CWC22: variants seen among roughly 807,000 people sequenced by gnomAD.
The protein encoded by CWC22 is CWC22 spliceosome associated protein.
In CWC22, 53 loss-of-function variants were observed where a neutral mutation model predicts 117.2. The observed-to-expected ratio is 0.45, with a 90% CI of 0.36 to 0.57. CWC22 has a LOEUF of 0.57. CWC22 is among the 20% of genes least tolerant of loss of function. CWC22 has a pLI of 0.00. For missense variants in CWC22, 980 were observed against 1,068.8 expected (o/e 0.92, Z 1.16); for synonymous variants, 360 against 355.6 (o/e 1.01, Z -0.14).
Position 179,993,498 on chromosome 2 carries a change from G to A in CWC22, c.-113-44C>T, listed in dbSNP as rs947845013. 16 of 571,166 alleles carry A rather than the reference G, an allele frequency of 2.8e-5. No homozygotes were observed. The African/African-American group carries it at 3.0e-4, about 11-fold the overall frequency. The allele number at this position is 571,166 out of a possible 1,614,324, so 35.4% of individuals were successfully genotyped here. A position where few individuals can be genotyped will look rare whatever the true frequency, so the allele number is the denominator to read the frequency against. On this transcript the variant is annotated intron_variant, in intron 1 of 19. Coordinates refer to ENST00000410053, the MANE Select transcript of CWC22 (RefSeq NM_020943.3). Reference sequence around the variant, plus strand: ...AAAGCTTTATTAACACTAACAAAGTGTGAAAAATGATGATATATTTTTTCT... The same window carrying A: ...AAAGCTTTATTAACACTAACAAAGTATGAAAAATGATGATATATTTTTTCT...
At chr2:179,985,661 AAGATATTTTGAGAG>A (rs1687400572) in intron 4 of CWC22, among the ~76,000 whole-genome samples, 1 of 152,116 alleles carries the variant, frequency 6.6e-6, no homozygotes, top group Non-Finnish European at 1.5e-5. Flanking sequence ...ACAGTACAAT[AAGATATTTTGAGAG>A]AGGCAGACCA....
At chr2:179,953,263 C>T (rs1270616195) in intron 16 of CWC22, among the ~76,000 whole-genome samples, 1 of 151,990 alleles carries the variant, frequency 6.6e-6, no homozygotes, top group Non-Finnish European at 1.5e-5. Flanking sequence ...TGTAGCTGGA[C>T]ATACTTGGTA....
At chr2:179,945,925 C>T (rs1402807993) in intron 19 of CWC22, among the ~76,000 whole-genome samples, 1 of 152,108 alleles carries the variant, frequency 6.6e-6, no homozygotes, top group African/African-American at 2.4e-5. Context: ...TCTTGTTGCC[C>T]AGGCTGGAGT....
intron 13 of CWC22, among the ~76,000 whole-genome samples, chr2:179,963,799 A>G (rs1464241465): frequency 6.6e-6 from 1 of 152,232 alleles, no homozygotes; most frequent in Non-Finnish European, 1.5e-5. Context: ...ATGAATCATT[A>G]CTGCTATTAC....
rs1687427512 is a variant in CWC22, at chr2:179,986,732, T to G, written c.169A>C (p.Arg57=). The G allele has an allele frequency of 6.2e-7, 1 of 1,608,856 alleles. No homozygotes were observed. The highest frequency in any genetic ancestry group is 1.7e-5 in the Admixed American group (1 of 59,710). ...CTACTATCATAAGAACGTCCTCTTC[T>G]TGAATGCTCATAGTCTGATCTGCTG... is the stretch of plus-strand genomic sequence containing the variant. ...DYSRSDYEHS[R]RGRSYDSSME... is the part of the protein sequence containing the mutation. The change falls in exon 4 of 20, where the codon AGA becomes CGA. Residue 57 remains arginine (R), a synonymous_variant. Coordinates refer to ENST00000410053, the MANE Select transcript of CWC22 (RefSeq NM_020943.3).
intron 2 of CWC22, among the ~76,000 whole-genome samples, chr2:179,991,015 TCA>T (rs1687552537): frequency 6.6e-6 from 1 of 152,230 alleles, no homozygotes; most frequent in Non-Finnish European, 1.5e-5. Flanking sequence ...ATTTCTTTTA[TCA>T]CAGAGTTTAG....
At chr2:179,958,914 T>G (rs1244117324) in intron 14 of CWC22, 108 bp downstream of exon 14, 1 of 584,704 alleles carries the variant, frequency 1.7e-6, no homozygotes, top group African/African-American at 1.9e-5. Flanking sequence ...AAAAAATAAA[T>G]ATTTAGTACT....
rs1335678659 is a variant in CWC22 at position 179,996,942 on chromosome 2, G to C, written c.-113-3488C>G. Among the ~76,000 whole-genome samples, 6 of 151,710 alleles carry C rather than the reference G, an allele frequency of 4.0e-5. No individual in the cohort carries two copies. In the East Asian group the frequency reaches 7.7e-4, roughly 20 times the overall value. ...AACAACTAAGAGAAAGAAACTAAGA[G>C]AATTTATCACCAGCAGACCTGCACT... On this transcript the variant is annotated intron_variant, in intron 1 of 19. Coordinates refer to ENST00000410053, the MANE Select transcript of CWC22 (RefSeq NM_020943.3).
chr2:179,979,381 G>C (rs557599188), intron 5 of CWC22, among the ~76,000 whole-genome samples: 1 of 152,200 alleles, frequency 6.6e-6, no homozygotes, highest in Admixed American at 6.5e-5. Flanking sequence ...TCAATACTCT[G>C]ATCTATTGCC....
chr2:179,995,733 T>G (rs1015047273), intron 1 of CWC22, among the ~76,000 whole-genome samples: 5 of 151,780 alleles, frequency 3.3e-5, no homozygotes, highest in African/African-American at 1.2e-4. Flanking sequence ...TAGAGGAGAG[T>G]AGATGCCTTG....
At position 179,977,878 on chromosome 2, in the gene CWC22, G is replaced by C. The variant is rs937156664; in HGVS notation, c.581+312C>G. On this transcript the variant is annotated intron_variant, in intron 6 of 19. Coordinates refer to ENST00000410053, the MANE Select transcript of CWC22 (RefSeq NM_020943.3). The stretch of plus-strand genomic sequence containing the variant: ...AAGAAATAAAAAATTAAATTAGTTT[G>C]AGGTAGTATATTTTAACATTCGTTA... Among the ~76,000 whole-genome samples the C allele has an allele frequency of 8.5e-5, 13 of 152,216 alleles. No individual in the cohort carries two copies. In the East Asian group the frequency reaches 2.1e-3, roughly 25 times the overall value.
intron 13 of CWC22, among the ~76,000 whole-genome samples, chr2:179,963,528 G>A (rs939642644): frequency 6.6e-6 from 1 of 150,918 alleles, no homozygotes; most frequent in Non-Finnish European, 1.5e-5. Flanking sequence ...ATTTTTAGTA[G>A]AGACGGGGTT....
Position 180,005,972 on chromosome 2 carries a change from A to G in CWC22, c.-114+895T>C, listed in dbSNP as rs1467476579. ...CCTCCACCTACTGATAACGCCTGTA[A>G]CAATGCTTCTCCTCTCCTGGTCAAA... is the stretch of plus-strand genomic sequence containing the variant. On this transcript the variant is annotated intron_variant, in intron 1 of 19. Transcript: ENST00000410053. Among the ~76,000 whole-genome samples, 5 of 152,332 alleles carry G rather than the reference A, an allele frequency of 3.3e-5. No homozygotes were observed. The South Asian group carries it at 8.3e-4, about 25-fold the overall frequency.
chr2:179,972,859 A>AG (rs1687065803), intron 8 of CWC22, among the ~76,000 whole-genome samples: 1 of 151,816 alleles, frequency 6.6e-6, no homozygotes, highest in East Asian at 1.9e-4. Context: ...TACAAAAAAA[A>AG]CTAGCCGGGC....
Position 179,981,884 on chromosome 2 carries a change from G to A in CWC22, c.320C>T (p.Ser107Phe), listed in dbSNP as rs1285548834. ...TGTAGCAGGTTCATCCTGAGCAGAG[G>A]AACTCTGAGTTACTGATGTTTCTGG... ...RNPETSVTQS[S>F]SAQDEPATKK... is the part of the protein sequence containing the mutation. The change falls in exon 5 of 20, where the codon TCC becomes TTC. Residue 107 changes from serine to phenylalanine, a missense_variant. By Grantham distance (155) the Ser-to-Phe change is radical. This residue lies in a region of CWC22 where 559 missense variants were observed against 602.3 expected (regional missense o/e 0.93). Transcript: ENST00000410053. 6.2e-7 allele frequency: 1 copy of A among 1,610,332 alleles called. No individual in the cohort carries two copies. Among genetic ancestry groups the A allele is most frequent in the South Asian group, 1.1e-5 (1 of 90,382 alleles).
chr2:179,974,906 G>A (rs534433760), intron 6 of CWC22, among the ~76,000 whole-genome samples: 2 of 152,076 alleles, frequency 1.3e-5, no homozygotes, highest in South Asian at 2.1e-4. Context: ...GTGCCACCAC[G>A]CCCAGCTAAT....
intron 4 of CWC22, among the ~76,000 whole-genome samples, chr2:179,983,525 T>C (rs1329418933): frequency 6.6e-6 from 1 of 152,152 alleles, no homozygotes; most frequent in Non-Finnish European, 1.5e-5. Flanking sequence ...GATGGGCATT[T>C]AGGTAGATTC....
At chr2:179,999,280 C>A (rs181394943) in intron 1 of CWC22, among the ~76,000 whole-genome samples, 2 of 152,252 alleles carry the variant, frequency 1.3e-5, no homozygotes, top group African/African-American at 4.8e-5. Context: ...TTATAGCACT[C>A]TCTGCTCTTC....
chr2:179,961,443 A>G (rs1686748135), intron 13 of CWC22, among the ~76,000 whole-genome samples: 1 of 152,054 alleles, frequency 6.6e-6, no homozygotes, highest in South Asian at 2.1e-4. Context: ...GAAATAAAAA[A>G]GAAACCTATC....
Sources: gnomAD v4.1 joint callset for allele counts (sites outside exome capture counted in the v4.1 genomes callset) on GRCh38, gnomAD v4.1.1 for gene constraint, gnomAD v4.1.1 regional missense constraint, MANE v1.5 for transcripts, NCBI Gene and HGNC (gene_info 2026-07-23, HGNC 2026-07-21) for gene names.